The following FKBP11 variants were observed in gnomAD, a reference collection of about 807,000 sequenced individuals.
FKBP11 encodes the protein peptidyl-prolyl cis-trans isomerase FKBP11.
Under a neutral mutation model 24.7 loss-of-function variants are expected in FKBP11, and 21 were observed. That is an observed-to-expected ratio of 0.85 (90% CI 0.60 to 1.23). The LOEUF (loss-of-function observed/expected upper bound fraction) is 1.23, where lower values mean the gene tolerates loss of function less well. FKBP11 is among the 50% of genes most tolerant of loss of function. The pLI is 0.00. For missense variants in FKBP11, 245 were observed against 248.7 expected (o/e 0.99, Z 0.10); for synonymous variants, 106 against 100.6 (o/e 1.05, Z -0.32).
the FKBP11 span, chr12:48,935,611 G>T: frequency 6.6e-6 from 1 of 152,238 alleles, no homozygotes; most frequent in African/African-American, 2.4e-5. Context: ...CAAGACATTT[G>T]TGGGATCTCT....
At chr12:48,931,487 AAAC>A in the FKBP11 span, 33 of 1,534,882 alleles carry the variant, frequency 2.2e-5, no homozygotes, top group Non-Finnish European at 2.5e-5. Context: ...GAAGAAATCC[AAAC>A]AACAGAGAAA....
chr12:48,930,270 C>T (rs147683915), upstream of FKBP11, among the ~76,000 whole-genome samples: 1 of 152,084 alleles, frequency 6.6e-6, no homozygotes, highest in Non-Finnish European at 1.5e-5. Context: ...GTGATATGAG[C>T]CCATTTATAT....
chr12:48,938,256 A>G, the FKBP11 span: 1 of 385,264 alleles, frequency 2.6e-6, no homozygotes, highest in Non-Finnish European at 5.3e-6. Flanking sequence ...CCTATCATCC[A>G]GAAAAACCTA....
At chr12:48,931,266 C>T (rs549321727), upstream of FKBP11, 4 of 636,144 alleles carry the variant, frequency 6.3e-6, no homozygotes, top group South Asian at 6.0e-5. Context: ...TCAGCAGACT[C>T]GAACAGTGTG....
chr12:48,934,876 G>A, the FKBP11 span, among the ~76,000 whole-genome samples: 1 of 152,006 alleles, frequency 6.6e-6, no homozygotes, highest in Non-Finnish European at 1.5e-5. Flanking sequence ...GCCGGGTGTG[G>A]TGGCGCATGC....
At chr12:48,931,551 GA>G in the FKBP11 span, 1 of 1,249,404 alleles carries the variant, frequency 8.0e-7, no homozygotes, top group Non-Finnish European at 1.1e-6. Flanking sequence ...CCTGGCTGGA[GA>G]TACAACTTAA....
At chr12:48,937,778 T>G in the FKBP11 span, 1 of 152,448 alleles carries the variant, frequency 6.6e-6, no homozygotes. Context: ...GAATACCCAG[T>G]CAGCCCTGGT....
upstream of FKBP11, chr12:48,926,521 C>CTTTTTTTTTTTT (rs398019471): frequency 4.5e-5 from 5 of 111,160 alleles, no homozygotes; most frequent in African/African-American, 1.7e-4. Context: ...CACCAGATTT[C>CTTTTTTTTTTTT]TTTTTTTTTT....
the FKBP11 span, chr12:48,938,679 G>GA: frequency 1.9e-5 from 9 of 477,200 alleles, no homozygotes; most frequent in East Asian, 4.3e-5. Flanking sequence ...GAGAGAGAGA[G>GA]GGGCCACCCC....
chr12:48,927,242 T>TG (rs1467801139), upstream of FKBP11, among the ~76,000 whole-genome samples: 1 of 152,216 alleles, frequency 6.6e-6, no homozygotes, highest in African/African-American at 2.4e-5. Context: ...GGGTCTACTC[T>TG]GGATTCTCCT....
upstream of FKBP11, among the ~76,000 whole-genome samples, chr12:48,929,781 C>T (rs982867565): frequency 6.6e-6 from 1 of 152,178 alleles, no homozygotes; most frequent in African/African-American, 2.4e-5. Context: ...AATTCCCTTC[C>T]TGCTCATGGA....
intron 4 of FKBP11, 158 bp downstream of exon 4, chr12:48,924,065 G>C: frequency 1.1e-6 from 1 of 923,750 alleles, no homozygotes; most frequent in Non-Finnish European, 1.8e-6. Context: ...GAGGCACAGA[G>C]GCTTTGAATG....
At chr12:48,938,211 A>C in the FKBP11 span, 1 of 360,216 alleles carries the variant, frequency 2.8e-6, no homozygotes, top group Non-Finnish European at 5.6e-6. Flanking sequence ...AGAGAAGAGT[A>C]CAAGGAAAAT....
chr12:48,928,811 C>G (rs1261958985), upstream of FKBP11, among the ~76,000 whole-genome samples: 2 of 133,340 alleles, frequency 1.5e-5, no homozygotes. Flanking sequence ...CAGAAATAAA[C>G]TTCTATCTTT....
chr12:48,927,762 C>G (rs1939997151), upstream of FKBP11, among the ~76,000 whole-genome samples: 1 of 152,162 alleles, frequency 6.6e-6, no homozygotes. Flanking sequence ...GCTCTAGAAG[C>G]CATATTAGAC....
chr12:48,922,234 T>A lies in FKBP11; in HGVS notation c.389-33A>T, dbSNP rs781372811. ...GGCAGAGGGGTGGAGAGGGTTAGACTCTCTGCATTTTATCCAGGGCTCAGA... is the reference window on the plus strand; with the variant it reads ...GGCAGAGGGGTGGAGAGGGTTAGACACTCTGCATTTTATCCAGGGCTCAGA... On this transcript the variant is annotated intron_variant, in intron 5 of 5. Coordinates refer to ENST00000550765, the MANE Select transcript of FKBP11 (RefSeq NM_016594.3). The A allele has an allele frequency of 2.6e-6, 4 of 1,557,392 alleles. No individual in the cohort carries two copies. In the Admixed American group the frequency reaches 7.0e-5, roughly 27 times the overall value.
intron 1 of FKBP11, 54 bp from the exon 2 acceptor site, chr12:48,925,165 C>T: frequency 1.2e-6 from 2 of 1,601,426 alleles, no homozygotes; most frequent in Middle Eastern, 1.7e-4. Context: ...CCGTTCTCGC[C>T]CCTAGACCCG....
upstream of FKBP11, among the ~76,000 whole-genome samples, chr12:48,930,847 G>C (rs1257924489): frequency 2.0e-5 from 3 of 152,198 alleles, no homozygotes; most frequent in Non-Finnish European, 4.4e-5. Context: ...GCTAGTTGTA[G>C]GCCGGGTGCA....
Position 48,925,033 on chromosome 12 carries a change from C to T in FKBP11, c.195+13G>A. Reference sequence around the variant, plus strand: ...CCCTCCCAGGCCCCGCCCCGGCCCCCCAGACCCCTCACCGTGTAGTGTATG... The same window carrying T: ...CCCTCCCAGGCCCCGCCCCGGCCCCTCAGACCCCTCACCGTGTAGTGTATG... On this transcript the variant is annotated intron_variant, in intron 2 of 5. Coordinates refer to ENST00000550765, the MANE Select transcript of FKBP11 (RefSeq NM_016594.3). 1 of 1,612,588 alleles carries T rather than the reference C, an allele frequency of 6.2e-7. No individual in the cohort carries two copies. The highest frequency in any genetic ancestry group is 8.5e-7 in the Non-Finnish European group (1 of 1,179,374).
Sources: gnomAD v4.1 joint callset for allele counts (sites outside exome capture counted in the v4.1 genomes callset) on GRCh38, gnomAD v4.1.1 for gene constraint, MANE v1.5 for transcripts, NCBI Gene and HGNC (gene_info 2026-07-23, HGNC 2026-07-21) for gene names.